Variants in CAAP1 observed in about 807,000 individuals in gnomAD.
CAAP1 encodes caspase activity and apoptosis inhibitor 1, also known as conserved anti-apoptotic protein.
In CAAP1, 20 loss-of-function variants were observed where a neutral mutation model predicts 34.0. The observed-to-expected ratio is 0.59, with a 90% CI of 0.41 to 0.86. The LOEUF (loss-of-function observed/expected upper bound fraction) is 0.86. Ranked by LOEUF, CAAP1 falls within the 40% of genes least tolerant of loss-of-function variation. The pLI is 0.00. For missense variants in CAAP1, 538 were observed against 450.5 expected, an observed-to-expected ratio of 1.19 and a Z score of -1.76; for synonymous variants, 213 against 166.7, an observed-to-expected ratio of 1.28 and a Z score of -2.14.
At chr9:26,875,072 T>A (rs1823393383) in intron 4 of CAAP1, among the ~76,000 whole-genome samples, 1 of 152,182 alleles carries the variant, frequency 6.6e-6, no homozygotes, top group Non-Finnish European at 1.5e-5. Context: ...AAGATGTCAC[T>A]TTACAGCTTC....
chr9:26,859,622 G>A (rs1822958373), intron 5 of CAAP1, among the ~76,000 whole-genome samples: 1 of 152,018 alleles, frequency 6.6e-6, no homozygotes. Flanking sequence ...TTATACATGA[G>A]GTGTAAGGTA....
At position 26,841,683 on chromosome 9, in the gene CAAP1, G is replaced by C. The variant is rs921294831; in HGVS notation, c.*618C>G. ...GGTATCAAATACCTGTTAGAATGGC[G>C]TGTCTGCTATAATTAAACATGGGCA... On this transcript the variant is annotated 3_prime_UTR_variant, in exon 6 of 6. Transcript: ENST00000333916. 5 of 152,506 alleles carry C rather than the reference G, an allele frequency of 3.3e-5. No homozygotes were observed. The highest frequency in any genetic ancestry group is 1.2e-4 in the African/African-American group (5 of 41,424). The allele number at this position is 152,506 out of a possible 1,614,324, so 9.4% of individuals were successfully genotyped here. A position where few individuals can be genotyped will look rare whatever the true frequency, so the allele number is the denominator to read the frequency against.
chr9:26,861,921 C>A (rs910035591), intron 4 of CAAP1, among the ~76,000 whole-genome samples: 9 of 152,002 alleles, frequency 5.9e-5, no homozygotes, highest in African/African-American at 2.2e-4. Flanking sequence ...GTCAAATAAC[C>A]GAAGGATTAA....
At chr9:26,858,869 G>A (rs920745957) in intron 5 of CAAP1, among the ~76,000 whole-genome samples, 1 of 150,654 alleles carries the variant, frequency 6.6e-6, no homozygotes, top group African/African-American at 2.4e-5. Flanking sequence ...ATGGTGGCAG[G>A]TGCCTGTAGT....
At chr9:26,889,552 T>C (rs1174580161) in intron 1 of CAAP1, among the ~76,000 whole-genome samples, 2 of 151,882 alleles carry the variant, frequency 1.3e-5, no homozygotes, top group African/African-American at 4.8e-5. Context: ...ATAAAGTTCT[T>C]CCCAAGAAAA....
At chr9:26,882,658 G>A (rs1374276422) in intron 4 of CAAP1, among the ~76,000 whole-genome samples, 3 of 152,200 alleles carry the variant, frequency 2.0e-5, no homozygotes, top group Non-Finnish European at 4.4e-5. Context: ...GCTGTGAGAA[G>A]AGGGCCACCG....
At chr9:26,853,166 G>A (rs890687975) in intron 5 of CAAP1, among the ~76,000 whole-genome samples, 5 of 152,126 alleles carry the variant, frequency 3.3e-5, no homozygotes, top group South Asian at 2.1e-4. Flanking sequence ...AGAGACTCCC[G>A]GGAGCATGGA....
In CAAP1 at chr9:26,841,153, T is replaced by C. The variant is rs974214996; in HGVS notation, c.*1148A>G. 3.9e-5 allele frequency: 6 copies of C among 152,200 alleles called. No individual in the cohort carries two copies. Among genetic ancestry groups the C allele is most frequent in the Non-Finnish European group, 8.8e-5 (6 of 68,006 alleles). 9.4% of individuals were successfully genotyped at this position (152,200 alleles called of 1,614,324 possible). A position where few individuals can be genotyped will look rare whatever the true frequency, so the allele number is the denominator to read the frequency against. Reference sequence around the variant, plus strand: ...TAAAACACAATCCCTGCAACTTTTATATATAAGGAAAGTCCTCATACAGTA... The same window carrying C: ...TAAAACACAATCCCTGCAACTTTTACATATAAGGAAAGTCCTCATACAGTA... On this transcript the variant is annotated 3_prime_UTR_variant, in exon 6 of 6. Coordinates refer to ENST00000333916, the MANE Select transcript of CAAP1 (RefSeq NM_024828.4).
At chr9:26,869,861 T>C (rs1823231870) in intron 4 of CAAP1, 1 of 514,900 alleles carries the variant, frequency 1.9e-6, no homozygotes, top group Non-Finnish European at 2.5e-6. Flanking sequence ...ATCAGTTAAG[T>C]GATTAAGAGA....
chr9:26,889,867 C>CAAAAAAAAAAAA (rs1028187218), intron 1 of CAAP1, among the ~76,000 whole-genome samples: 1 of 51,326 alleles, frequency 1.9e-5, no homozygotes. Context: ...GACTCTGTCT[C>CAAAAAAAAAAAA]AAAAAAAAAA....
chr9:26,888,711 A>C (rs980557430), intron 1 of CAAP1, among the ~76,000 whole-genome samples: 1 of 152,248 alleles, frequency 6.6e-6, no homozygotes, highest in Admixed American at 6.5e-5. Context: ...AGTTCCTCAA[A>C]AAGTTACCAT....
In CAAP1 at chr9:26,881,362, A is replaced by G. The variant is rs528705488; in HGVS notation, c.665+3448T>C. ...TTGCTGTGTCCCCACCCAAGTTTCA[A>G]CTTGAATTGTAGTTCCCATAATTCC... is the stretch of plus-strand genomic sequence containing the variant. On this transcript the variant is annotated intron_variant, in intron 4 of 5. Coordinates refer to ENST00000333916, the MANE Select transcript of CAAP1 (RefSeq NM_024828.4). Among the ~76,000 whole-genome samples, 380 of 152,330 alleles carry G rather than the reference A, an allele frequency of 2.5e-3. 2 individuals are homozygous for G. The highest frequency in any genetic ancestry group is 8.8e-3 in the African/African-American group (368 of 41,586).
At chr9:26,870,727 CT>C (rs1823255065) in intron 4 of CAAP1, among the ~76,000 whole-genome samples, 2 of 151,874 alleles carry the variant, frequency 1.3e-5, no homozygotes, top group East Asian at 4.0e-4. Flanking sequence ...GGTGATCCCC[CT>C]GCCTCAGTCT....
chr9:26,852,551 C>T (rs913620642), intron 5 of CAAP1, among the ~76,000 whole-genome samples: 1 of 151,988 alleles, frequency 6.6e-6, no homozygotes. Context: ...TGGAGATAAT[C>T]TTAAAAACAG....
intron 4 of CAAP1, chr9:26,880,380 T>G (rs1823561077): frequency 3.7e-6 from 1 of 269,598 alleles, no homozygotes; most frequent in Admixed American, 4.3e-5. Flanking sequence ...TTCAGTGGAC[T>G]TCCAGAAACA....
rs1351110880 is a variant in CAAP1, at chr9:26,842,016, C to CTAA, written c.*282_*284dup. 8.0e-6 allele frequency: 2 copies of CTAA among 250,332 alleles called. No individual in the cohort carries two copies. Among genetic ancestry groups the CTAA allele is most frequent in the Admixed American group, 5.2e-5 (1 of 19,124 alleles). 15.5% of individuals were successfully genotyped at this position (250,332 alleles called of 1,614,324 possible). On this transcript the variant is annotated 3_prime_UTR_variant, in exon 6 of 6. Transcript: ENST00000333916. ...AAGAAAAAAATACCACGACTCTTTG[C>CTAA]TAATGGCTTTTAAGATTTGCAGACA...
chr9:26,880,138 C>T (rs1269510654), intron 4 of CAAP1: 1 of 203,972 alleles, frequency 4.9e-6, no homozygotes, highest in African/African-American at 2.4e-5. Flanking sequence ...TTTCCCATCA[C>T]AGTGGTTTCT....
chr9:26,860,956 C>T, intron 5 of CAAP1, 110 bp downstream of exon 5: 1 of 766,790 alleles, frequency 1.3e-6, no homozygotes, highest in South Asian at 1.5e-5. Context: ...AAATTGCTCT[C>T]TTCCTCTATC....
chr9:26,889,891 G>T (rs1823857957), intron 1 of CAAP1, among the ~76,000 whole-genome samples: 1 of 143,368 alleles, frequency 7.0e-6, no homozygotes, highest in African/African-American at 2.6e-5. Context: ...AAAAAAAAAG[G>T]AACCTCAATA....
Sources: allele counts gnomAD v4.1 joint callset (sites outside exome capture counted in the v4.1 genomes callset), GRCh38; gene constraint gnomAD v4.1.1; transcripts MANE v1.5; gene names NCBI Gene and HGNC (gene_info 2026-07-23, HGNC 2026-07-21).